The following FER1L6 variants were observed in gnomAD, a reference collection of about 807,000 sequenced individuals.
FER1L6 encodes the protein fer-1 like family member 6.
FER1L6 carries 177 observed loss-of-function variants against 219.2 expected under a neutral mutation model. The observed-to-expected ratio is 0.81, with a 90% CI of 0.71 to 0.91. FER1L6 has a LOEUF of 0.91. FER1L6 is among the 40% of genes least tolerant of loss of function. The pLI, the probability that FER1L6 is intolerant of heterozygous loss-of-function variation, is 0.00. For missense variants in FER1L6, 2,153 were observed against 2,259.9 expected, an observed-to-expected ratio of 0.95 and a Z score of 0.96; for synonymous variants, 768 against 824.3, an observed-to-expected ratio of 0.93 and a Z score of 1.17.
rs138426278 is a variant in FER1L6, at chr8:123,981,448, G to C, written c.1410+637G>C. Among the ~76,000 whole-genome samples the C allele has an allele frequency of 2.0e-3, 303 of 152,326 alleles. 2 individuals are homozygous for C. The highest frequency in any genetic ancestry group is 7.0e-3 in the African/African-American group (292 of 41,572). Reference sequence around the variant, plus strand: ...GTAACTTGCAGTTAAGCAAATGAAAGAGCTTCATGTTTTGTCAGTAGCGGA... The same window carrying C: ...GTAACTTGCAGTTAAGCAAATGAAACAGCTTCATGTTTTGTCAGTAGCGGA... On this transcript the variant is annotated intron_variant, in intron 11 of 40. Coordinates refer to ENST00000522917, the MANE Select transcript of FER1L6 (RefSeq NM_001039112.2).
intron 1 of FER1L6, among the ~76,000 whole-genome samples, chr8:123,889,745 A>C (rs532476152): frequency 3.9e-5 from 6 of 152,250 alleles, no homozygotes; most frequent in African/African-American, 1.4e-4. Flanking sequence ...TATTTATGAC[A>C]GAAGAAAGGA....
At chr8:124,119,057 C>A (rs2131055354) in intron 40 of FER1L6, 113 bp downstream of exon 40, 1 of 837,988 alleles carries the variant, frequency 1.2e-6, no homozygotes, top group Non-Finnish European at 1.9e-6. Flanking sequence ...ACTGGGAAGC[C>A]AGGAGGCAGT....
intron 11 of FER1L6, among the ~76,000 whole-genome samples, chr8:123,983,020 T>G (rs532151382): frequency 2.6e-5 from 4 of 152,350 alleles, no homozygotes; most frequent in African/African-American, 9.6e-5. Context: ...GTCCAGCCTG[T>G]CCTCAAAGGG....
intron 1 of FER1L6, among the ~76,000 whole-genome samples, chr8:123,898,715 G>GTA (rs1024261256): frequency 1.4e-5 from 2 of 139,000 alleles, no homozygotes; most frequent in Non-Finnish European, 3.1e-5. Flanking sequence ...ACGTATATAC[G>GTA]TATATGTGTA....
chr8:124,067,017 T>C (rs1461428759), intron 27 of FER1L6, among the ~76,000 whole-genome samples: 1 of 152,122 alleles, frequency 6.6e-6, no homozygotes, highest in Non-Finnish European at 1.5e-5. Context: ...TAAGTGGGTT[T>C]ACATAGCAAG....
intron 1 of FER1L6, among the ~76,000 whole-genome samples, chr8:123,953,326 C>T (rs1392779762): frequency 6.6e-6 from 1 of 152,188 alleles, no homozygotes; most frequent in African/African-American, 2.4e-5. Context: ...GTTTATTTGG[C>T]TTACTCTTCA....
intron 12 of FER1L6, among the ~76,000 whole-genome samples, chr8:123,991,443 GT>G (rs61107452): frequency 0.028 from 4,116 of 149,386 alleles, 108 homozygotes; most frequent in African/African-American, 0.072. Flanking sequence ...TATATTCCTA[GT>G]TTTTTTTTTC....
intron 2 of FER1L6, among the ~76,000 whole-genome samples, chr8:123,957,816 G>A (rs1336525490): frequency 6.6e-6 from 1 of 152,148 alleles, no homozygotes; most frequent in Non-Finnish European, 1.5e-5. Context: ...AGCAAACAGG[G>A]CAGGGAGGAA....
At chr8:123,891,384 T>C (rs113661806) in intron 1 of FER1L6, among the ~76,000 whole-genome samples, 74 of 152,316 alleles carry the variant, frequency 4.9e-4, no homozygotes, top group African/African-American at 1.7e-3. Context: ...TTTATTCTCA[T>C]ATTGAAGTTC....
chr8:124,027,280 A>C (rs1456075402), intron 18 of FER1L6, among the ~76,000 whole-genome samples: 1 of 152,216 alleles, frequency 6.6e-6, no homozygotes, highest in Non-Finnish European at 1.5e-5. Flanking sequence ...GCCAATATAT[A>C]CTAGTTGTAT....
intron 31 of FER1L6, among the ~76,000 whole-genome samples, chr8:124,072,133 G>A (rs946674018): frequency 7.9e-5 from 12 of 152,184 alleles, no homozygotes; most frequent in African/African-American, 2.9e-4. Flanking sequence ...GGTTGCCTAC[G>A]GCAGGAGAGG....
rs188950861 is a variant in FER1L6, at chr8:123,855,889, A to G, written c.-8+3704A>G. Reference sequence around the variant, plus strand: ...TATTATGTATTAATGTATATAACTAATGTATATTATTACTAATTATATTAG... The same window carrying G: ...TATTATGTATTAATGTATATAACTAGTGTATATTATTACTAATTATATTAG... On this transcript the variant is annotated intron_variant, in intron 1 of 40. Coordinates refer to ENST00000522917, the MANE Select transcript of FER1L6 (RefSeq NM_001039112.2). 3.8e-3 allele frequency among the ~76,000 whole-genome samples: 560 copies of G among 147,516 alleles called. 4 individuals carry two copies. The highest frequency in any genetic ancestry group is 5.9e-3 in the Non-Finnish European group (398 of 67,088).
Position 124,017,711 on chromosome 8 carries a change from A to G in FER1L6, c.2006A>G (p.Gln669Arg), listed in dbSNP as rs771057459. 50 of 1,612,792 alleles carry G rather than the reference A, an allele frequency of 3.1e-5. No individual in the cohort carries two copies. The highest frequency in any genetic ancestry group is 4.0e-5 in the Non-Finnish European group (47 of 1,179,042). Residue 669 changes from glutamine to arginine, a missense_variant, in exon 16 of 41, where the codon CAG (glutamine) becomes CGG (arginine). By Grantham distance (43) the Gln-to-Arg change is conservative. Transcript: ENST00000522917. Reference sequence around the variant, plus strand: ...AAGAAGCGACTTACGCTCTGCTGGCAGGAGCTGGTATGTGAAAATCTATTT... The same window carrying G: ...AAGAAGCGACTTACGCTCTGCTGGCGGGAGCTGGTATGTGAAAATCTATTT... The part of the protein sequence containing the change: ...LDKKRLTLCW[Q>R]ELEAMCKEAK...
intron 17 of FER1L6, among the ~76,000 whole-genome samples, chr8:124,022,207 A>C (rs888571558): frequency 2.6e-5 from 4 of 152,210 alleles, no homozygotes; most frequent in Admixed American, 1.3e-4. Flanking sequence ...TGAAAGTTGT[A>C]GTTCTTGTTG....
rs118069116 is a variant in FER1L6, at chr8:124,112,109, A to G, written c.5290-6735A>G. ...CTGTTTCCATGTGTATAAAATCACT[A>G]GGTTAGACTGGGTGCCTCCAACATG... On this transcript the variant is annotated intron_variant, in intron 39 of 40. Coordinates refer to ENST00000522917, the MANE Select transcript of FER1L6 (RefSeq NM_001039112.2). 4.9e-3 allele frequency among the ~76,000 whole-genome samples: 748 copies of G among 152,326 alleles called. 3 individuals carry two copies. Among genetic ancestry groups the G allele is most frequent in the South Asian group, 0.013 (64 of 4,830 alleles).
At chr8:123,875,946 T>C (rs965265730) in intron 1 of FER1L6, among the ~76,000 whole-genome samples, 2 of 152,234 alleles carry the variant, frequency 1.3e-5, no homozygotes, top group African/African-American at 4.8e-5. Flanking sequence ...TCCTGTTTCA[T>C]ACCTTCTCCT....
In FER1L6 at chr8:124,070,618, C is replaced by A. The variant is rs541076758; in HGVS notation, c.3966+20C>A. On this transcript the variant is annotated intron_variant, in intron 30 of 40. Coordinates refer to ENST00000522917, the MANE Select transcript of FER1L6 (RefSeq NM_001039112.2). The stretch of plus-strand genomic sequence containing the variant: ...TTTAAGGCAGGTTCCATTTTTAATC[C>A]TTTTATTTGGCTCTCCCTGTCCATA... 1.9e-6 allele frequency: 3 copies of A among 1,555,228 alleles called. No homozygotes were observed. Among genetic ancestry groups the A allele is most frequent in the African/African-American group, 2.8e-5 (2 of 72,314 alleles).
At chr8:123,927,751 AATAG>A (rs1446317571) in intron 1 of FER1L6, among the ~76,000 whole-genome samples, 8 of 152,212 alleles carry the variant, frequency 5.3e-5, no homozygotes, top group African/African-American at 1.9e-4. Flanking sequence ...ACTAAATAAA[AATAG>A]ATCACATTTA....
intron 1 of FER1L6, among the ~76,000 whole-genome samples, chr8:123,933,383 T>A (rs1349175922): frequency 7.7e-6 from 1 of 129,178 alleles, no homozygotes; most frequent in Admixed American, 7.2e-5. Flanking sequence ...TGTGTCTGTG[T>A]GTGTGTGTGT....
Sources: allele counts gnomAD v4.1 joint callset (sites outside exome capture counted in the v4.1 genomes callset), GRCh38; gene constraint gnomAD v4.1.1; transcripts MANE v1.5; gene names NCBI Gene and HGNC (gene_info 2026-07-23, HGNC 2026-07-21).